JCAD: variants seen among roughly 807,000 people sequenced by gnomAD.
The protein encoded by JCAD is junctional cadherin 5-associated protein.
Under a neutral mutation model 98.0 loss-of-function variants are expected in JCAD, and 40 were observed. The observed-to-expected ratio is 0.41, with a 90% confidence interval of 0.32 to 0.53. The LOEUF is 0.53. Among genes scored for constraint, JCAD ranks in the 20% least tolerant of loss-of-function variants. The probability of loss-of-function intolerance (pLI) is 0.31; values close to 1 mark genes in which losing one functional copy is unlikely to be tolerated. For missense variants in JCAD, 1,705 were observed against 1,738.1 expected (o/e 0.98, Z 0.34); for synonymous variants, 691 against 682.3 (o/e 1.01, Z -0.20).
intron 1 of JCAD, among the ~76,000 whole-genome samples, chr10:30,073,734 CCTCCCTCCCTCT>C (rs1411093601): frequency 1.3e-5 from 2 of 148,626 alleles, no homozygotes; most frequent in Admixed American, 6.7e-5. Flanking sequence ...TCCTTCCTTC[CCTCCCTCCCTCT>C]CTCCCTCCCT....
At chr10:30,107,557 C>G (rs191272327) in intron 1 of JCAD, among the ~76,000 whole-genome samples, 3 of 152,318 alleles carry the variant, frequency 2.0e-5, no homozygotes, top group African/African-American at 2.4e-5. Flanking sequence ...AGCAAATAAT[C>G]AAGAGGTAAC....
At chr10:30,037,703 C>T (rs1014837234) in intron 2 of JCAD, among the ~76,000 whole-genome samples, 8 of 152,002 alleles carry the variant, frequency 5.3e-5, no homozygotes, top group African/African-American at 1.4e-4. Flanking sequence ...TTTGAGGACT[C>T]AGAAGTGATG....
intron 1 of JCAD, among the ~76,000 whole-genome samples, chr10:30,087,713 C>T (rs943151248): frequency 6.6e-6 from 1 of 152,160 alleles, no homozygotes; most frequent in Non-Finnish European, 1.5e-5. Flanking sequence ...TTCAGTAATA[C>T]AATTGCCCAA....
chr10:30,078,384 A>G (rs1362119962), intron 1 of JCAD, among the ~76,000 whole-genome samples: 1 of 152,234 alleles, frequency 6.6e-6, no homozygotes, highest in Non-Finnish European at 1.5e-5. Context: ...TCTCTGGGGC[A>G]GGATGAAGGG....
intron 3 of JCAD, among the ~76,000 whole-genome samples, chr10:30,024,651 C>T (rs1438101484): frequency 1.3e-5 from 2 of 151,834 alleles, no homozygotes; most frequent in Non-Finnish European, 2.9e-5. Flanking sequence ...CTAAGAATCC[C>T]ACTGTATTTG....
intron 1 of JCAD, among the ~76,000 whole-genome samples, chr10:30,085,769 A>T (rs929676809): frequency 6.6e-6 from 1 of 152,220 alleles, no homozygotes; most frequent in African/African-American, 2.4e-5. Context: ...GTCATGACTT[A>T]GTTACCTATT....
chr10:30,052,436 C>T (rs1472937336), intron 1 of JCAD, among the ~76,000 whole-genome samples: 1 of 152,098 alleles, frequency 6.6e-6, no homozygotes, highest in Non-Finnish European at 1.5e-5. Context: ...GTCAGCTGCC[C>T]CAGGAAAAAG....
intron 1 of JCAD, among the ~76,000 whole-genome samples, chr10:30,084,788 T>C (rs1049564210): frequency 7.2e-5 from 10 of 138,878 alleles, no homozygotes; most frequent in African/African-American, 2.4e-4. Flanking sequence ...TCTGTATCTA[T>C]CTATCTATCT....
intron 1 of JCAD, among the ~76,000 whole-genome samples, chr10:30,101,548 G>GT (rs1838470898): frequency 6.6e-6 from 1 of 151,750 alleles, no homozygotes; most frequent in African/African-American, 2.4e-5. Context: ...TTAATTTTTT[G>GT]TTAGAGACAG....
chr10:30,087,577 C>A (rs749523069), intron 1 of JCAD, among the ~76,000 whole-genome samples: 13 of 152,216 alleles, frequency 8.5e-5, no homozygotes, highest in Non-Finnish European at 1.8e-4. Context: ...GGAGGGTGGC[C>A]TGTAGTTGTT....
At chr10:30,072,132 A>G (rs149218803) in intron 1 of JCAD, among the ~76,000 whole-genome samples, 2,102 of 145,708 alleles carry the variant, frequency 0.014, 54 homozygotes, top group African/African-American at 0.048. Flanking sequence ...AGGGCAGGGC[A>G]GGGCAGGGAA....
chr10:30,094,576 A>G (rs1191406195), intron 1 of JCAD, among the ~76,000 whole-genome samples: 1 of 152,216 alleles, frequency 6.6e-6, no homozygotes, highest in African/African-American at 2.4e-5. Flanking sequence ...GCCACAGTGC[A>G]TGCAATATTC....
intron 1 of JCAD, among the ~76,000 whole-genome samples, chr10:30,092,439 A>G (rs1233599477): frequency 6.6e-6 from 1 of 151,280 alleles, no homozygotes. Context: ...CATCACAACC[A>G]CTCCCACTCT....
intron 1 of JCAD, among the ~76,000 whole-genome samples, chr10:30,080,303 C>T (rs1376321661): frequency 6.6e-6 from 1 of 152,196 alleles, no homozygotes; most frequent in African/African-American, 2.4e-5. Context: ...ACAGAGAACT[C>T]TCCTCTCAGT....
intron 1 of JCAD, among the ~76,000 whole-genome samples, chr10:30,080,843 G>T (rs1838069507): frequency 6.6e-6 from 1 of 152,120 alleles, no homozygotes; most frequent in Non-Finnish European, 1.5e-5. Context: ...TGCACATCCT[G>T]CATGCTTTCC....
In JCAD at chr10:30,017,496, G is replaced by A. The variant is rs1010986888; in HGVS notation, c.*387C>T. ...GCAGGCCATGGAGACACAGAGGGGA[G>A]CACACCATTCACAGGCCTTTCCAAA... On this transcript the variant is annotated 3_prime_UTR_variant, in exon 4 of 4. Transcript: ENST00000375377. 8 of 302,824 alleles carry A rather than the reference G, an allele frequency of 2.6e-5. No homozygotes were observed. The East Asian group carries it at 8.3e-4, about 31-fold the overall frequency. 18.8% of individuals were successfully genotyped at this position (302,824 alleles called of 1,614,324 possible).
intron 3 of JCAD, among the ~76,000 whole-genome samples, chr10:30,025,346 C>T (rs1446047335): frequency 1.3e-5 from 2 of 151,716 alleles, no homozygotes; most frequent in Non-Finnish European, 2.9e-5. Context: ...GGCGAAACCC[C>T]ATCTCTACTA....
At chr10:30,076,358 A>G (rs1837980427) in intron 1 of JCAD, among the ~76,000 whole-genome samples, 1 of 152,206 alleles carries the variant, frequency 6.6e-6, no homozygotes, top group African/African-American at 2.4e-5. Context: ...TAGTACCCGT[A>G]CAGAAATCTG....
upstream of JCAD, among the ~76,000 whole-genome samples, chr10:30,063,351 C>T (rs1837731394): frequency 6.6e-6 from 1 of 151,996 alleles, no homozygotes; most frequent in Non-Finnish European, 1.5e-5. Flanking sequence ...ATTATTGAGT[C>T]ATTGGGCAGA....
Sources: gnomAD v4.1 joint callset for allele counts (sites outside exome capture counted in the v4.1 genomes callset) on GRCh38, gnomAD v4.1.1 for gene constraint, MANE v1.5 for transcripts, NCBI Gene and HGNC (gene_info 2026-07-23, HGNC 2026-07-21) for gene names.